The following SEMA4G variants were observed in gnomAD, a reference collection of about 807,000 sequenced individuals.
SEMA4G encodes the protein semaphorin-4G.
Under a neutral mutation model 81.2 loss-of-function variants are expected in SEMA4G, and 59 were observed. The ratio of observed to expected loss-of-function variants is 0.73; its 90% CI spans 0.59 to 0.90. The LOEUF (loss-of-function observed/expected upper bound fraction) is 0.90, where lower values mean the gene tolerates loss of function less well. Ranked by LOEUF, SEMA4G falls within the 40% of genes least tolerant of loss-of-function variation. The pLI is 0.00. For missense variants in SEMA4G, 952 were observed against 1,102.3 expected (o/e 0.86, Z 1.93); for synonymous variants, 404 against 433.9 (o/e 0.93, Z 0.86).
rs1449359869 is a variant in SEMA4G, at chr10:100,979,381, T to G, written c.983+110T>G. On this transcript the variant is annotated intron_variant, in intron 8 of 13. Transcript: ENST00000370250. The stretch of plus-strand genomic sequence containing the variant: ...ACTGTGGGGAGGTCTGGCTGCAAAG[T>G]GAGAATTTTTTTTTTTTTTTAAGAG... 8 of 1,582,186 alleles carry G rather than the reference T, an allele frequency of 5.1e-6. No homozygotes were observed. The Admixed American group carries it at 5.5e-5, about 11-fold the overall frequency.
At chr10:100,978,417 C>T in intron 5 of SEMA4G, 29 bp downstream of exon 6, 3 of 1,607,882 alleles carry the variant, frequency 1.9e-6, no homozygotes, top group Non-Finnish European at 2.6e-6. Context: ...CTATCACAGA[C>T]ATGGTATTTT....
In SEMA4G at chr10:100,980,224, G is replaced by A. The variant is rs201564489; in HGVS notation, c.1231G>A (p.Val411Ile). The A allele has an allele frequency of 8.5e-5, 138 of 1,614,218 alleles. 3 individuals are homozygous for A. The highest frequency in any genetic ancestry group is 1.6e-4 in the Middle Eastern group (1 of 6,062). ...GTTGCACCCACTGATGGCTCGGCCC[G>A]TTGTGCCCACACGTGGACGGCCCCT... The change falls in exon 10 of 14, where the codon GTT becomes ATT. Residue 411 changes from valine to isoleucine, a missense_variant. By Grantham distance (29) the Val-to-Ile change is conservative. Around this residue, in one of 3 missense-constraint regions of SEMA4G, gnomAD observed 131 missense variants for 200.7 expected, o/e 0.65. Transcript: ENST00000370250.
At chr10:100,972,805 A>T in exon 1 of SEMA4G, 1 of 1,247,086 alleles carries the variant, frequency 8.0e-7, no homozygotes, top group South Asian at 1.5e-5. Context: ...CTTCCAAGTG[A>T]CTTCCTTGGA....
Position 100,983,526 on chromosome 10 carries a change from G to A in SEMA4G, c.1912G>A (p.Gly638Ser), listed in dbSNP as rs1307475986. The change falls in exon 14 of 14, where the codon GGC becomes AGC. Residue 638 changes from glycine to serine, a missense_variant. By Grantham distance (56) the Gly-to-Ser change is moderately conservative. Around this residue, in one of 3 missense-constraint regions of SEMA4G, gnomAD observed 385 missense variants for 413.5 expected, o/e 0.93. Coordinates refer to ENST00000370250, the Ensembl canonical transcript of SEMA4G. ...CTATGGCTGCTATGCCGAGGAAAAT[G>A]GCCTCCGCACCCTGCTGGCCTCCTA... The A allele has an allele frequency of 3.1e-6, 5 of 1,614,118 alleles. No individual in the cohort carries two copies. In the South Asian group the frequency reaches 4.4e-5, roughly 14 times the overall value.
intron 3 of SEMA4G, among the ~76,000 whole-genome samples, chr10:100,976,815 T>C (rs541897329): frequency 7.2e-5 from 11 of 152,362 alleles, no homozygotes; most frequent in Non-Finnish European, 1.5e-4. Flanking sequence ...CTAAGTTTTA[T>C]ACTATGTACA....
rs774952582 is a variant in SEMA4G at position 100,983,504 on chromosome 10, T to C, written c.1890T>C (p.Tyr630=). The C allele has an allele frequency of 1.2e-5, 20 of 1,614,068 alleles. 1 individual carries two copies. In the Middle Eastern group the frequency reaches 4.9e-4, roughly 40 times the overall value. ...CACAGCCTGAGCACAGTGGCAACTA[T>C]GGCTGCTATGCCGAGGAAAATGGCC... is the stretch of plus-strand genomic sequence containing the variant. Residue 630 remains tyrosine (Y), a synonymous_variant, in exon 14 of 14, where the codon TAT becomes TAC. Transcript: ENST00000370250.
exon 9 of SEMA4G, chr10:100,979,877 G>A (rs751695050): frequency 1.3e-5 from 21 of 1,613,830 alleles, no homozygotes; most frequent in South Asian, 5.5e-5. Flanking sequence ...GCCATCTGCC[G>A]CTATGACCTG....
intron 4 of SEMA4G, chr10:100,978,037 T>C: frequency 3.5e-6 from 2 of 574,512 alleles, no homozygotes; most frequent in South Asian, 4.1e-5. Context: ...CAGGATGGGC[T>C]AGGGGCTCAG....
chr10:100,972,761 A>T lies in SEMA4G; in HGVS notation c.-152A>T. 1 of 658,592 alleles carries T rather than the reference A, an allele frequency of 1.5e-6. No homozygotes were observed. The highest frequency in any genetic ancestry group is 2.5e-6 in the Non-Finnish European group (1 of 404,756). The allele number at this position is 658,592 out of a possible 1,614,324, so 40.8% of individuals were successfully genotyped here. ...TTCCAGGACCCCCCATGGCCCCATG[A>T]TTCCTTGACTCCTATGACCTTATGA... is the stretch of plus-strand genomic sequence containing the variant. On this transcript the variant is annotated 5_prime_UTR_variant, in exon 1 of 14. It removes the in-frame stop codon of an upstream open reading frame in the 5' UTR. Coordinates refer to ENST00000370250, the Ensembl canonical transcript of SEMA4G.
chr10:100,978,230 C>A, intron 4 of SEMA4G, 65 bp from the exon 6 acceptor site: 4 of 1,234,414 alleles, frequency 3.2e-6, no homozygotes, highest in South Asian at 2.6e-5. Context: ...CCAGACTGAT[C>A]TGACTTTGAG....
intron 3 of SEMA4G, among the ~76,000 whole-genome samples, chr10:100,975,312 T>G (rs1850743024): frequency 1.3e-5 from 2 of 152,348 alleles, no homozygotes; most frequent in Admixed American, 1.3e-4. Flanking sequence ...GTGAAGTTGA[T>G]GCTGCTGGTC....
chr10:100,975,022 C>T (rs770502722), intron 3 of SEMA4G: 3 of 534,002 alleles, frequency 5.6e-6, no homozygotes, highest in Admixed American at 1.9e-5. Flanking sequence ...GGGACAGCTC[C>T]GTTTAAAAAG....
exon 14 of SEMA4G, chr10:100,984,323 T>C: frequency 2.1e-6 from 3 of 1,439,956 alleles, no homozygotes; most frequent in East Asian, 5.0e-5. Context: ...CAGACCCACA[T>C]GTGAGCAGCC....
At chr10:100,982,770 C>T (rs1042026488) in intron 13 of SEMA4G, among the ~76,000 whole-genome samples, 15 of 152,048 alleles carry the variant, frequency 9.9e-5, no homozygotes, top group Admixed American at 3.9e-4. Flanking sequence ...CCAGCCTAGG[C>T]GACAGAATGA....
At chr10:100,979,049 T>C in intron 7 of SEMA4G, 31 bp downstream of exon 8, 5 of 1,613,308 alleles carry the variant, frequency 3.1e-6, no homozygotes, top group Non-Finnish European at 3.4e-6. Context: ...GGCACGGGTA[T>C]AGAGGCTGGA....
At chr10:100,984,428 A>C in exon 14 of SEMA4G, 2 of 1,487,064 alleles carry the variant, frequency 1.3e-6, no homozygotes, top group Non-Finnish European at 1.8e-6. Context: ...CTAAACACTT[A>C]TAGGTGAGGA....
intron 8 of SEMA4G, 92 bp from the exon 10 acceptor site, chr10:100,979,756 C>A: frequency 6.7e-7 from 1 of 1,489,330 alleles, no homozygotes; most frequent in Non-Finnish European, 9.2e-7. Flanking sequence ...CTGGGGTTGG[C>A]CAGGGTAACA....
chr10:100,969,609 T>G, upstream of SEMA4G: 2 of 284,332 alleles, frequency 7.0e-6, no homozygotes, highest in Non-Finnish European at 1.4e-5. Context: ...AGGCGAGGAG[T>G]GCGGGCGGCG....
At chr10:100,977,148 G>A (rs1277566252) in intron 3 of SEMA4G, among the ~76,000 whole-genome samples, 1 of 152,188 alleles carries the variant, frequency 6.6e-6, no homozygotes, top group Admixed American at 6.5e-5. Context: ...AGGTTATGGA[G>A]GAGGGGATGA....
Sources: allele counts gnomAD v4.1 joint callset (sites outside exome capture counted in the v4.1 genomes callset), GRCh38; gene constraint gnomAD v4.1.1; regional missense constraint gnomAD v4.1.1; transcripts MANE v1.5; gene names NCBI Gene and HGNC (gene_info 2026-07-23, HGNC 2026-07-21).